ANK2: variants seen among roughly 807,000 people sequenced by gnomAD.
ANK2 encodes ankyrin 2.
ANK2 carries 83 observed loss-of-function variants against 360.5 expected under a neutral mutation model. The ratio of observed to expected loss-of-function variants is 0.23; its 90% CI spans 0.19 to 0.28. The LOEUF (loss-of-function observed/expected upper bound fraction) is 0.28. ANK2 is among the 10% of genes least tolerant of loss of function. The pLI is 1.00. For synonymous variants in ANK2, 1,740 were observed against 1,759.5 expected, an observed-to-expected ratio of 0.99 and a Z score of 0.28; for missense variants, 4,201 against 4,795.7, an observed-to-expected ratio of 0.88 and a Z score of 3.66.
chr4:113,198,891 T>A, intron 3 of ANK2, 120 bp from the exon 4 acceptor site: 1 of 869,046 alleles, frequency 1.2e-6, no homozygotes, highest in Non-Finnish European at 1.8e-6. Flanking sequence ...GCTACTATCT[T>A]GATAAATAAC....
intron 2 of ANK2, among the ~76,000 whole-genome samples, chr4:112,925,488 A>G (rs1286102646): frequency 6.6e-6 from 1 of 152,208 alleles, no homozygotes; most frequent in Non-Finnish European, 1.5e-5. Context: ...CCTATTGACT[A>G]TAGAAATTAT....
rs976922419 is a variant in ANK2 at position 113,364,387 on chromosome 4, C to T, written c.10889-652C>T. 3.9e-5 allele frequency among the ~76,000 whole-genome samples: 6 copies of T among 152,168 alleles called. No homozygotes were observed. The South Asian group carries it at 1.2e-3, about 31-fold the overall frequency. On this transcript the variant is annotated intron_variant, in intron 40 of 45. Transcript: ENST00000357077. Reference sequence around the variant, plus strand: ...ACTACTGTAAGCAAATGAGAACAAGCTACTGTCACTTCTGAAGTATGCATG... The same window carrying T: ...ACTACTGTAAGCAAATGAGAACAAGTTACTGTCACTTCTGAAGTATGCATG...
intron 1 of ANK2, among the ~76,000 whole-genome samples, chr4:113,130,096 C>A (rs2095916060): frequency 6.6e-6 from 1 of 152,176 alleles, no homozygotes; most frequent in Non-Finnish European, 1.5e-5. Flanking sequence ...TAATTTATAA[C>A]TGAGACCTAT....
chr4:113,213,285 CTATAA>C (rs779117741), intron 4 of ANK2, among the ~76,000 whole-genome samples: 1 of 152,062 alleles, frequency 6.6e-6, no homozygotes, highest in Non-Finnish European at 1.5e-5. Flanking sequence ...TTTGAAGTGT[CTATAA>C]TATAATATAC....
At chr4:113,204,581 A>G (rs1001245027) in intron 4 of ANK2, among the ~76,000 whole-genome samples, 1 of 152,248 alleles carries the variant, frequency 6.6e-6, no homozygotes, top group Admixed American at 6.5e-5. Flanking sequence ...ATCAACAATG[A>G]ATAGTCTCAT....
chr4:112,812,323 A>G, the ANK2 span, among the ~76,000 whole-genome samples: 1 of 152,194 alleles, frequency 6.6e-6, no homozygotes, highest in Non-Finnish European at 1.5e-5. Context: ...TTACCAAAGC[A>G]GGATACACCA....
intron 4 of ANK2, among the ~76,000 whole-genome samples, chr4:113,208,688 A>G (rs1266946445): frequency 6.6e-6 from 1 of 151,802 alleles, no homozygotes; most frequent in Non-Finnish European, 1.5e-5. Context: ...TGTTTTGTAG[A>G]GACAGGGTCT....
chr4:112,838,385 T>C (rs571483769), intron 1 of ANK2, among the ~76,000 whole-genome samples: 1 of 152,186 alleles, frequency 6.6e-6, no homozygotes, highest in Non-Finnish European at 1.5e-5. Context: ...AATGGACTAA[T>C]ACAGAGGCCC....
chr4:113,076,990 G>T (rs2080297552), intron 1 of ANK2, among the ~76,000 whole-genome samples: 1 of 150,132 alleles, frequency 6.7e-6, no homozygotes. Flanking sequence ...ATTAAAGAAA[G>T]GAAAAAGAAG....
At chr4:113,233,087 A>T (rs2099329973) in intron 5 of ANK2, among the ~76,000 whole-genome samples, 1 of 120,642 alleles carries the variant, frequency 8.3e-6, no homozygotes. Context: ...CAACCAGAGT[A>T]TATGGGCTTG....
chr4:112,899,521 G>A (rs1164108503), intron 1 of ANK2, among the ~76,000 whole-genome samples: 1 of 152,082 alleles, frequency 6.6e-6, no homozygotes, highest in Non-Finnish European at 1.5e-5. Context: ...GATTTTCTCT[G>A]TAGGATTGGG....
intron 2 of ANK2, among the ~76,000 whole-genome samples, chr4:112,946,414 G>C (rs1476243612): frequency 6.6e-6 from 1 of 152,158 alleles, no homozygotes; most frequent in Non-Finnish European, 1.5e-5. Context: ...GGCTTGTGAG[G>C]ATTCTTGTAA....
chr4:113,090,447 A>T (rs984692930), intron 1 of ANK2, among the ~76,000 whole-genome samples: 10 of 152,208 alleles, frequency 6.6e-5, no homozygotes, highest in African/African-American at 2.4e-4. Flanking sequence ...AACTTTACTT[A>T]GGAAGAGGTT....
At chr4:112,890,293 G>A (rs2079567326) in intron 1 of ANK2, among the ~76,000 whole-genome samples, 1 of 152,110 alleles carries the variant, frequency 6.6e-6, no homozygotes, top group Non-Finnish European at 1.5e-5. Context: ...GTTCCCTCAA[G>A]ATGAGCCTTG....
chr4:112,769,211 C>A, the ANK2 span, among the ~76,000 whole-genome samples: 2 of 152,088 alleles, frequency 1.3e-5, no homozygotes, highest in Admixed American at 1.3e-4. Flanking sequence ...TTTTTTCAAG[C>A]AATCTTGTGG....
At chr4:112,833,573 T>G (rs2060304522) in intron 1 of ANK2, among the ~76,000 whole-genome samples, 1 of 151,836 alleles carries the variant, frequency 6.6e-6, no homozygotes, top group Non-Finnish European at 1.5e-5. Flanking sequence ...GCGCCATCTC[T>G]GCTCACTGCA....
chr4:113,024,721 C>T (rs1038863373), intron 2 of ANK2, among the ~76,000 whole-genome samples: 1 of 152,038 alleles, frequency 6.6e-6, no homozygotes, highest in African/African-American at 2.4e-5. Flanking sequence ...TTACAAAGAG[C>T]ATACAATGAA....
chr4:113,048,248 G>GTATA (rs869196489), upstream of ANK2, among the ~76,000 whole-genome samples: 211 of 36,228 alleles, frequency 5.8e-3, 1 homozygote, highest in Middle Eastern at 0.023. Context: ...CTACAAGTGT[G>GTATA]TATATATATA....
At chr4:113,317,394 G>A in intron 24 of ANK2, 2 of 391,524 alleles carry the variant, frequency 5.1e-6, no homozygotes, top group African/African-American at 2.1e-5. Context: ...GTGAATTTCT[G>A]GTACTGGCAG....
Sources: gnomAD v4.1 joint callset for allele counts (sites outside exome capture counted in the v4.1 genomes callset) on GRCh38, gnomAD v4.1.1 for gene constraint, MANE v1.5 for transcripts, NCBI Gene and HGNC (gene_info 2026-07-23, HGNC 2026-07-21) for gene names.